Variants in PDZD9 observed in about 807,000 individuals in gnomAD.
PDZD9 encodes the protein PDZ domain containing 9, also known as PDZ domain-containing protein 9.
A neutral mutation model predicts 16.3 loss-of-function variants in PDZD9; 13 were observed. That is an observed-to-expected ratio of 0.80 (90% CI 0.52 to 1.27). The LOEUF (loss-of-function observed/expected upper bound fraction) is 1.27, where lower values mean the gene tolerates loss of function less well. Ranked by LOEUF, PDZD9 falls within the 50% of genes most tolerant of loss-of-function variation. The pLI, the probability that PDZD9 is intolerant of heterozygous loss-of-function variation, is 0.00. For missense variants in PDZD9, 288 were observed against 310.9 expected (o/e 0.93, Z 0.55); for synonymous variants, 120 against 111.0 (o/e 1.08, Z -0.51).
the PDZD9 span, among the ~76,000 whole-genome samples, chr16:21,966,730 T>TTTA: frequency 6.6e-6 from 1 of 152,230 alleles, no homozygotes; most frequent in African/African-American, 2.4e-5. Flanking sequence ...TGGACTCTAA[T>TTTA]GAGTTTTGAA....
chr16:21,974,940 A>G, the PDZD9 span, among the ~76,000 whole-genome samples: 3 of 152,188 alleles, frequency 2.0e-5, no homozygotes. Context: ...AGTTTAAAGA[A>G]AGTAGTGAAG....
the PDZD9 span, chr16:21,968,738 T>A: frequency 6.6e-7 from 1 of 1,514,872 alleles, no homozygotes; most frequent in East Asian, 2.3e-5. Flanking sequence ...GAGCAGTTCC[T>A]TAAACTGTAA....
intron 1 of PDZD9, chr16:21,999,158 TTA>T (rs1899226282): frequency 6.4e-6 from 1 of 156,578 alleles, no homozygotes; most frequent in Non-Finnish European, 1.4e-5. Flanking sequence ...AAAAGGTATT[TTA>T]TGTGTTTTAG....
the PDZD9 span, among the ~76,000 whole-genome samples, chr16:21,960,008 C>A: frequency 1.3e-5 from 2 of 152,134 alleles, no homozygotes; most frequent in East Asian, 3.8e-4. Context: ...TAGCATAATT[C>A]CTAAGGGCTC....
chr16:21,974,027 C>T, the PDZD9 span: 3 of 1,471,200 alleles, frequency 2.0e-6, no homozygotes, highest in Non-Finnish European at 2.8e-6. Flanking sequence ...ATTTCTCCCC[C>T]CCGCCATAAA....
downstream of PDZD9, among the ~76,000 whole-genome samples, chr16:21,982,722 T>G (rs896759623): frequency 2.6e-5 from 4 of 152,190 alleles, no homozygotes; most frequent in Admixed American, 6.5e-5. Flanking sequence ...CCCAGCACTT[T>G]GGGAGGTTAA....
chr16:21,988,920 G>T, intron 2 of PDZD9, 129 bp from the exon 3 acceptor site: 2 of 700,148 alleles, frequency 2.9e-6, no homozygotes, highest in Non-Finnish European at 4.2e-6. Flanking sequence ...CCAAAACCAG[G>T]CTTCAGCCTT....
downstream of PDZD9, chr16:21,983,545 A>G (rs1898788954): frequency 3.7e-6 from 1 of 270,556 alleles, no homozygotes; most frequent in Admixed American, 5.2e-5. Context: ...AGATGAAAGC[A>G]AGTTCAAAAT....
chr16:21,988,117 C>T (rs1183323712), intron 3 of PDZD9, among the ~76,000 whole-genome samples: 2 of 149,068 alleles, frequency 1.3e-5, no homozygotes, highest in Non-Finnish European at 3.0e-5. Context: ...GAGCGATTCT[C>T]CTGCCTCAGC....
At chr16:21,962,470 A>G in the PDZD9 span, 2 of 1,614,164 alleles carry the variant, frequency 1.2e-6, no homozygotes, top group Middle Eastern at 1.6e-4. Context: ...TGTGACCGCA[A>G]CAAGGGAAAA....
chr16:21,972,800 AT>A, the PDZD9 span, among the ~76,000 whole-genome samples: 1 of 152,166 alleles, frequency 6.6e-6, no homozygotes, highest in African/African-American at 2.4e-5. Context: ...CAGAATTATA[AT>A]TAAAGAAATT....
intron 2 of PDZD9, among the ~76,000 whole-genome samples, chr16:21,994,275 A>T (rs1899092582): frequency 6.6e-6 from 1 of 152,234 alleles, no homozygotes; most frequent in Admixed American, 6.5e-5. Context: ...AGATGAGGTG[A>T]CTAAGGCCTG....
In PDZD9 at chr16:21,984,521, A is replaced by G; in HGVS notation, c.541T>C (p.Ser181Pro). 6.2e-7 allele frequency: 1 copy of G among 1,607,658 alleles called. No homozygotes were observed. Among genetic ancestry groups the G allele is most frequent in the Non-Finnish European group, 8.5e-7 (1 of 1,174,586 alleles). Residue 181 changes from serine to proline, a missense_variant, in exon 4 of 4, where the codon TCC becomes CCC. Transcript: ENST00000424898. ...TVHHPARRPI[S>P]ISRDWHGYKK... Reference sequence around the variant, plus strand: ...TATCCATGCCAGTCTCTGGAGATGGATATTGGTCTCCTTGCAGGGTGATGC... The same window carrying G: ...TATCCATGCCAGTCTCTGGAGATGGGTATTGGTCTCCTTGCAGGGTGATGC...
At chr16:21,986,187 C>G (rs748002048) in intron 3 of PDZD9, among the ~76,000 whole-genome samples, 17 of 152,172 alleles carry the variant, frequency 1.1e-4, no homozygotes, top group Non-Finnish European at 2.5e-4. Context: ...AAAGTTTATA[C>G]TAGCTTTGTG....
chr16:21,964,846 A>C, the PDZD9 span, among the ~76,000 whole-genome samples: 1 of 152,200 alleles, frequency 6.6e-6, no homozygotes, highest in Non-Finnish European at 1.5e-5. Flanking sequence ...AGTGCCTCGC[A>C]TAGGCAAGTT....
Position 22,000,504 on chromosome 16 carries a change from G to A in PDZD9, c.31+513C>T, listed in dbSNP as rs117677265. Among the ~76,000 whole-genome samples the A allele has an allele frequency of 3.0e-3, 463 of 152,126 alleles. 3 individuals are homozygous for A. The highest frequency in any genetic ancestry group is 4.0e-3 in the Non-Finnish European group (271 of 67,994). ...TGATGGAGGGGGTGGTTCAACGTGG[G>A]TATAGCTTGTCAAAACGGTAGCTGT... On this transcript the variant is annotated intron_variant, in intron 1 of 3. Coordinates refer to ENST00000424898, the MANE Select transcript of PDZD9 (RefSeq NM_001363519.1).
chr16:21,972,417 C>T, the PDZD9 span, among the ~76,000 whole-genome samples: 1 of 152,172 alleles, frequency 6.6e-6, no homozygotes, highest in Non-Finnish European at 1.5e-5. Flanking sequence ...ATTAAACTTT[C>T]CCCTAGATTC....
At chr16:21,962,435 T>C in the PDZD9 span, 1 of 1,613,646 alleles carries the variant, frequency 6.2e-7, no homozygotes. Context: ...TCAGATGATT[T>C]ACTCTAGTTT....
chr16:21,963,190 A>T, the PDZD9 span: 1 of 199,696 alleles, frequency 5.0e-6, no homozygotes, highest in African/African-American at 2.4e-5. Flanking sequence ...GGGTTTTGCC[A>T]TGTTGGTCAG....
Sources: allele counts gnomAD v4.1 joint callset (sites outside exome capture counted in the v4.1 genomes callset), GRCh38; gene constraint gnomAD v4.1.1; transcripts MANE v1.5; gene names NCBI Gene and HGNC (gene_info 2026-07-23, HGNC 2026-07-21).